Variants in STOX1 observed in about 807,000 individuals in gnomAD.
The protein encoded by STOX1 is storkhead-box protein 1.
STOX1 carries 57 observed loss-of-function variants against 74.8 expected under a neutral mutation model. The ratio of observed to expected loss-of-function variants is 0.76; its 90% CI spans 0.62 to 0.95. The LOEUF is 0.95. Among genes scored for constraint, STOX1 ranks in the 40% least tolerant of loss-of-function variants. The pLI is 0.00. For missense variants in STOX1, 1,010 were observed against 1,117.0 expected (o/e 0.90, Z 1.37); for synonymous variants, 375 against 401.3 (o/e 0.93, Z 0.78).
chr10:68,832,957 G>A (rs1485334345), intron 1 of STOX1, among the ~76,000 whole-genome samples: 1 of 151,928 alleles, frequency 6.6e-6, no homozygotes, highest in Non-Finnish European at 1.5e-5. Flanking sequence ...AGTAGAGGCA[G>A]GTCTTGCTCG....
In STOX1 at chr10:68,882,008, C is replaced by T; in HGVS notation, c.361C>T (p.Pro121Ser). ...TCCAATAACTCAATCTCAGTTCGTA[C>T]CTTTGGGTGAAGTTCTTTGCTGTGC... ...MNPITQSQFVPLGEVLCCAIS... is the reference protein window; with the variant it reads ...MNPITQSQFVSLGEVLCCAIS... Residue 121 changes from proline to serine, a missense_variant, in exon 2 of 4, where the codon CCT (proline) becomes TCT (serine). By Grantham distance (74) the Pro-to-Ser change is moderately conservative (BLOSUM62 -1). Transcript: ENST00000298596. 6.2e-7 allele frequency: 1 copy of T among 1,613,510 alleles called. No homozygotes were observed. The highest frequency in any genetic ancestry group is 8.5e-7 in the Non-Finnish European group (1 of 1,179,774).
intron 3 of STOX1, among the ~76,000 whole-genome samples, chr10:68,890,283 T>G (rs1841066987): frequency 6.6e-6 from 1 of 151,900 alleles, no homozygotes; most frequent in African/African-American, 2.4e-5. Context: ...CAGCCTCCTG[T>G]GTAGCTGGGA....
At chr10:68,851,484 T>C (rs1053565312) in intron 1 of STOX1, among the ~76,000 whole-genome samples, 1 of 152,182 alleles carries the variant, frequency 6.6e-6, no homozygotes, top group African/African-American at 2.4e-5. Context: ...TACCCTGATA[T>C]GGTCTTTATG....
In STOX1 at chr10:68,885,089, T is replaced by C. The variant is rs1564588139; in HGVS notation, c.1293T>C (p.Asp431=). 3.7e-6 allele frequency: 6 copies of C among 1,613,588 alleles called. No individual in the cohort carries two copies. The highest frequency in any genetic ancestry group is 2.2e-5 in the East Asian group (1 of 44,880). ...AAGGGCAGGGCCATTCTCGAAGGGA[T>C]AGACACAAAGCCAGGAATCAGGGAA... ...KPQGQGHSRR[D]RHKARNQGSE... Residue 431 remains aspartate, a synonymous_variant, in exon 3 of 4, where the codon GAT becomes GAC. Transcript: ENST00000298596.
chr10:68,887,875 G>A (rs180911934), intron 3 of STOX1, among the ~76,000 whole-genome samples: 6 of 152,198 alleles, frequency 3.9e-5, no homozygotes, highest in East Asian at 1.9e-4. Context: ...AATTACAGGC[G>A]TGAGCTGCCA....
chr10:68,845,687 C>T (rs1277230057), intron 1 of STOX1, among the ~76,000 whole-genome samples: 4 of 151,284 alleles, frequency 2.6e-5, no homozygotes, highest in Non-Finnish European at 4.4e-5. Context: ...ATGCAACCTC[C>T]ACCTCCTGGG....
Position 68,889,032 on chromosome 10 carries a change from G to A in STOX1, c.2822+2414G>A, listed in dbSNP as rs148998480. On this transcript the variant is annotated intron_variant, in intron 3 of 3. Transcript: ENST00000298596. ...GGGTTGCAGTCTGTCACCAGCTGGA[G>A]TGCAATGACACAATCATAGCTCACT... Among the ~76,000 whole-genome samples, 348 of 152,118 alleles carry A rather than the reference G, an allele frequency of 2.3e-3. 1 individual carries two copies. The highest frequency in any genetic ancestry group is 8.2e-3 in the African/African-American group (338 of 41,466).
chr10:68,860,708 T>C (rs1051661142), intron 1 of STOX1, among the ~76,000 whole-genome samples: 7 of 151,692 alleles, frequency 4.6e-5, no homozygotes, highest in African/African-American at 1.7e-4. Flanking sequence ...TGATTGGGTG[T>C]GTGTGTTAAA....
chr10:68,858,394 CA>C lies in STOX1; in HGVS notation c.311-23563del, dbSNP rs1840180272. Reference sequence around the variant, plus strand: ...AGTCCTGCTGAGGAGCGGTCACCTCCACCCAGATATAACCTGAAACCTTCCT... The same window carrying C: ...AGTCCTGCTGAGGAGCGGTCACCTCCCCCAGATATAACCTGAAACCTTCCT... On this transcript the variant is annotated intron_variant, in intron 1 of 3. Transcript: ENST00000298596. 1.3e-5 allele frequency among the ~76,000 whole-genome samples: 2 copies of C among 152,112 alleles called. 1 individual carries two copies. Among genetic ancestry groups the C allele is most frequent in the African/African-American group, 4.8e-5 (2 of 41,338 alleles).
At chr10:68,831,166 C>T (rs961831979) in intron 1 of STOX1, among the ~76,000 whole-genome samples, 1 of 152,112 alleles carries the variant, frequency 6.6e-6, no homozygotes, top group Non-Finnish European at 1.5e-5. Context: ...AATCTGATCT[C>T]TTTGCCATAG....
At chr10:68,831,227 G>GT (rs1264756010) in intron 1 of STOX1, among the ~76,000 whole-genome samples, 1 of 152,030 alleles carries the variant, frequency 6.6e-6, no homozygotes, top group African/African-American at 2.4e-5. Flanking sequence ...CACCCTTGTT[G>GT]CCCAGGCTGG....
rs549672857 is a variant in STOX1, at chr10:68,885,827, C to T, written c.2031C>T (p.Gly677=). The T allele has an allele frequency of 1.3e-4, 203 of 1,613,962 alleles. 1 individual carries two copies. In the South Asian group the frequency reaches 2.0e-3, roughly 16 times the overall value. ...QNLGLLDYPV[G]VNPLRQAARQ... ...TTGGCCTTTTGGATTACCCAGTTGG[C>T]GTGAACCCTTTAAGACAAGCTGCAA... Residue 677 remains glycine, a synonymous_variant, in exon 3 of 4, where the codon GGC becomes GGT. Transcript: ENST00000298596.
intron 1 of STOX1, among the ~76,000 whole-genome samples, chr10:68,852,148 A>G (rs180899818): frequency 6.6e-6 from 1 of 150,844 alleles, no homozygotes; most frequent in East Asian, 2.0e-4. Context: ...ATAAATAAAT[A>G]TGTTATCTCA....
At chr10:68,843,197 C>T (rs537563068) in intron 1 of STOX1, among the ~76,000 whole-genome samples, 139 of 152,242 alleles carry the variant, frequency 9.1e-4, no homozygotes, top group African/African-American at 3.2e-3. Flanking sequence ...GGCCACCACA[C>T]CAGCTACTTT....
At chr10:68,869,516 A>G (rs1413663207) in intron 1 of STOX1, among the ~76,000 whole-genome samples, 1 of 152,168 alleles carries the variant, frequency 6.6e-6, no homozygotes, top group Non-Finnish European at 1.5e-5. Context: ...GTCTTAAATG[A>G]CAGGATTTTG....
chr10:68,833,074 C>G (rs1839451049), intron 1 of STOX1, among the ~76,000 whole-genome samples: 1 of 143,374 alleles, frequency 7.0e-6, no homozygotes, highest in African/African-American at 2.7e-5. Flanking sequence ...CTAGCCACTT[C>G]TGTGGGTTTT....
At chr10:68,841,825 T>C (rs1440129945) in intron 1 of STOX1, among the ~76,000 whole-genome samples, 1 of 152,100 alleles carries the variant, frequency 6.6e-6, no homozygotes, top group Admixed American at 6.6e-5. Flanking sequence ...TCCTTGTGGG[T>C]AGATGTTGGA....
At position 68,884,384 on chromosome 10, in the gene STOX1, T is replaced by C; in HGVS notation, c.588T>C (p.Asn196=). The part of the protein sequence containing the change: ...IVTPQTYFIT[N]TTTQENKRML... The stretch of plus-strand genomic sequence containing the variant: ...CTCCTCAGACTTACTTCATTACAAA[T>C]ACAACCACCCAGGAAAATAAGAGAA... Residue 196 remains asparagine (N), a synonymous_variant, in exon 3 of 4, where the codon AAT becomes AAC. Transcript: ENST00000298596. 2 of 1,614,140 alleles carry C rather than the reference T, an allele frequency of 1.2e-6. No individual in the cohort carries two copies. Among genetic ancestry groups the C allele is most frequent in the Non-Finnish European group, 1.7e-6 (2 of 1,180,034 alleles).
rs779170760 is a variant in STOX1, at chr10:68,884,539, G to T, written c.743G>T (p.Arg248Leu). ...ISHCQSCQCFRDMHTQDVQEA... is the reference protein window; with the variant it reads ...ISHCQSCQCFLDMHTQDVQEA... ...CACTGTCAGTCTTGCCAGTGTTTCC[G>T]GGACATGCACACTCAGGATGTTCAG... Residue 248 changes from arginine (R) to leucine (L), a missense_variant, in exon 3 of 4, where the codon CGG becomes CTG. Physicochemically the swap from Arg to Leu is moderately radical, Grantham distance 102. Transcript: ENST00000298596. 1 of 1,613,732 alleles carries T rather than the reference G, an allele frequency of 6.2e-7. No individual in the cohort carries two copies. Among genetic ancestry groups the T allele is most frequent in the East Asian group, 2.2e-5 (1 of 44,884 alleles).
Sources: gnomAD v4.1 joint callset for allele counts (sites outside exome capture counted in the v4.1 genomes callset) on GRCh38, gnomAD v4.1.1 for gene constraint, MANE v1.5 for transcripts, NCBI Gene and HGNC (gene_info 2026-07-23, HGNC 2026-07-21) for gene names.